Variants in GIGYF2 observed in about 807,000 individuals in gnomAD.
GIGYF2 encodes the protein GRB10-interacting GYF protein 2.
GIGYF2 carries 25 observed loss-of-function variants against 208.1 expected under a neutral mutation model. That is an observed-to-expected ratio of 0.12 (90% CI 0.09 to 0.17). GIGYF2 has a LOEUF of 0.17. Ranked by LOEUF, GIGYF2 falls within the 10% of genes least tolerant of loss-of-function variation. The pLI is 1.00. For missense variants in GIGYF2, 1,302 were observed against 1,579.4 expected, an observed-to-expected ratio of 0.82 and a Z score of 2.98; for synonymous variants, 534 against 543.8, an observed-to-expected ratio of 0.98 and a Z score of 0.25.
rs889884578 is a variant in GIGYF2, at chr2:232,858,592, T to TA, written c.*1738dup. ...GAACTTTTGCCAGTGTGGAGGAAAA[T>TA]AAAAAAGAACTTAAATAAAATCTGA... On this transcript the variant is annotated 3_prime_UTR_variant, in exon 29 of 29. Coordinates refer to ENST00000373563, the MANE Select transcript of GIGYF2 (RefSeq NM_001103146.3). 2.4e-5 allele frequency: 11 copies of TA among 453,686 alleles called. No individual in the cohort carries two copies. Among genetic ancestry groups the TA allele is most frequent in the African/African-American group, 1.8e-4 (9 of 49,602 alleles). 28.1% of individuals were successfully genotyped at this position (453,686 alleles called of 1,614,324 possible). A position where few individuals can be genotyped will look rare whatever the true frequency, so the allele number is the denominator to read the frequency against.
In GIGYF2 at chr2:232,814,566, C is replaced by CG. The variant is rs1194533153; in HGVS notation, c.2108-1071_2108-1070insG. ...TGACAGAGTGAGACTCCACCTCAAA[C>CG]CCCCCCCCCCCAAAAAAAAAGTACC... On this transcript the variant is annotated intron_variant, in intron 18 of 28. Coordinates refer to ENST00000373563, the MANE Select transcript of GIGYF2 (RefSeq NM_001103146.3). Among the ~76,000 whole-genome samples, 5 of 40,802 alleles carry CG rather than the reference C, an allele frequency of 1.2e-4. No individual in the cohort carries two copies. The South Asian group carries it at 3.0e-3, about 25-fold the overall frequency. 26.8% of individuals were successfully genotyped at this position (40,802 alleles called of 152,430 possible).
At position 232,842,667 on chromosome 2, in the gene GIGYF2, T is replaced by C. The variant is rs536864460; in HGVS notation, c.2890-1379T>C. ...GAAGCTGATTGGAGGTTCTGGTATGTACAGCACCTTGATGGGCTTTCCTAT... is the reference window on the plus strand; with the variant it reads ...GAAGCTGATTGGAGGTTCTGGTATGCACAGCACCTTGATGGGCTTTCCTAT... On this transcript the variant is annotated intron_variant, in intron 23 of 28. Transcript: ENST00000373563. Among the ~76,000 whole-genome samples, 3 of 152,350 alleles carry C rather than the reference T, an allele frequency of 2.0e-5. No individual in the cohort carries two copies. In the South Asian group the frequency reaches 6.2e-4, roughly 32 times the overall value.
At chr2:232,797,946 A>T (rs1225049094) in intron 14 of GIGYF2, among the ~76,000 whole-genome samples, 1 of 143,776 alleles carries the variant, frequency 7.0e-6, no homozygotes, top group Non-Finnish European at 1.5e-5. Context: ...GTGCCACTGT[A>T]CTTTAATCTG....
chr2:232,724,134 G>A (rs1697078456), intron 2 of GIGYF2, among the ~76,000 whole-genome samples: 1 of 151,336 alleles, frequency 6.6e-6, no homozygotes, highest in African/African-American at 2.4e-5. Flanking sequence ...TCTGCCTTCC[G>A]GGTTCAAGTG....
At chr2:232,850,165 C>A in intron 27 of GIGYF2, 97 bp from the exon 28 acceptor site, 1 of 1,037,148 alleles carries the variant, frequency 9.6e-7, no homozygotes, top group Non-Finnish European at 1.5e-6. Context: ...TGCTTTTAAG[C>A]TCATTCTTGA....
intron 6 of GIGYF2, among the ~76,000 whole-genome samples, chr2:232,757,509 A>C (rs892311890): frequency 6.6e-6 from 1 of 152,060 alleles, no homozygotes; most frequent in African/African-American, 2.4e-5. Context: ...GTTAGGTTCC[A>C]TTGGTCCAGA....
rs1697332266 is a variant in GIGYF2 at position 232,728,981 on chromosome 2, T to C, written c.-43-6174T>C. ...CTTTCCTTTTCCCTTTCCCTTCTCT[T>C]TTTCTTTTCATTTTCCTTACTGGGT... On this transcript the variant is annotated intron_variant, in intron 2 of 28. Transcript: ENST00000373563. Among the ~76,000 whole-genome samples the C allele has an allele frequency of 2.6e-5, 4 of 152,080 alleles. No individual in the cohort carries two copies. The South Asian group carries it at 8.3e-4, about 32-fold the overall frequency.
At chr2:232,774,648 C>T (rs1427299215) in intron 8 of GIGYF2, among the ~76,000 whole-genome samples, 1 of 152,132 alleles carries the variant, frequency 6.6e-6, no homozygotes. Context: ...GGGTGAACAA[C>T]TTTGTCATTC....
intron 3 of GIGYF2, 156 bp downstream of exon 3, chr2:232,735,394 T>C (rs1435896040): frequency 1.5e-6 from 1 of 651,576 alleles, no homozygotes; most frequent in Non-Finnish European, 2.7e-6. Context: ...GAATAAATTA[T>C]ATTTGGTAAA....
intron 3 of GIGYF2, chr2:232,736,716 G>A (rs897432493): frequency 2.6e-5 from 4 of 151,982 alleles, no homozygotes; most frequent in Admixed American, 6.6e-5. Flanking sequence ...ATTCATATAA[G>A]TTACTTTCTT....
At chr2:232,731,931 A>G (rs773828822) in intron 2 of GIGYF2, among the ~76,000 whole-genome samples, 16 of 142,824 alleles carry the variant, frequency 1.1e-4, no homozygotes, top group Admixed American at 4.3e-4. Context: ...GATTTTTATT[A>G]AACAGTGTAT....
chr2:232,784,135 TA>T (rs1184612650), intron 8 of GIGYF2, among the ~76,000 whole-genome samples: 1 of 152,172 alleles, frequency 6.6e-6, no homozygotes, highest in Non-Finnish European at 1.5e-5. Context: ...ATCACATTTT[TA>T]AAAAGCCTGT....
At chr2:232,764,639 T>C (rs1698877880) in intron 8 of GIGYF2, 2 of 152,254 alleles carry the variant, frequency 1.3e-5, no homozygotes, top group Non-Finnish European at 2.9e-5. Context: ...TCTGTATGTT[T>C]CTAAAGGGCA....
intron 1 of GIGYF2, among the ~76,000 whole-genome samples, chr2:232,699,440 G>T (rs891405713): frequency 3.9e-5 from 6 of 152,150 alleles, no homozygotes; most frequent in Non-Finnish European, 7.4e-5. Flanking sequence ...TTCTTGGAAA[G>T]GGAAATCAGA....
At chr2:232,737,669 T>A (rs1018862611) in intron 3 of GIGYF2, among the ~76,000 whole-genome samples, 1 of 152,150 alleles carries the variant, frequency 6.6e-6, no homozygotes, top group Non-Finnish European at 1.5e-5. Flanking sequence ...CCAGGGTACT[T>A]GAGAATCAGG....
At chr2:232,826,115 T>C (rs553156497) in intron 21 of GIGYF2, among the ~76,000 whole-genome samples, 1 of 152,294 alleles carries the variant, frequency 6.6e-6, no homozygotes, top group South Asian at 2.1e-4. Flanking sequence ...TGATGGACAT[T>C]TGGGTTGGTT....
rs114285297 is a variant in GIGYF2, at chr2:232,705,276, G to A, written c.-44+1787G>A. 9.7e-3 allele frequency among the ~76,000 whole-genome samples: 1,481 copies of A among 152,266 alleles called. 26 individuals carry two copies. Among genetic ancestry groups the A allele is most frequent in the African/African-American group, 0.033 (1,368 of 41,548 alleles). On this transcript the variant is annotated intron_variant, in intron 2 of 28. Transcript: ENST00000373563. ...CATTATTAGAGTAGTAGTGGGGACC[G>A]TTACTTTTGGGAAAGGATCAGTGAG...
At position 232,787,594 on chromosome 2, in the gene GIGYF2, G is replaced by C. The variant is rs547767036; in HGVS notation, c.712+265G>C. Reference sequence around the variant, plus strand: ...CACCTGCGCTCAACTGCAGAAATGAGGGTTTCATTCAGTTTTGTCTACCTC... The same window carrying C: ...CACCTGCGCTCAACTGCAGAAATGACGGTTTCATTCAGTTTTGTCTACCTC... On this transcript the variant is annotated intron_variant, in intron 9 of 28. Transcript: ENST00000373563. Among the ~76,000 whole-genome samples the C allele has an allele frequency of 5.9e-5, 9 of 152,202 alleles. No homozygotes were observed. In the East Asian group the frequency reaches 1.4e-3, roughly 23 times the overall value.
At chr2:232,699,255 G>T (rs1039719875) in intron 1 of GIGYF2, among the ~76,000 whole-genome samples, 1 of 152,196 alleles carries the variant, frequency 6.6e-6, no homozygotes, top group East Asian at 1.9e-4. Context: ...GCAAAGACCC[G>T]GAGACAAAAG....
Sources: gnomAD v4.1 joint callset for allele counts (sites outside exome capture counted in the v4.1 genomes callset) on GRCh38, gnomAD v4.1.1 for gene constraint, MANE v1.5 for transcripts, NCBI Gene and HGNC (gene_info 2026-07-23, HGNC 2026-07-21) for gene names.